Variants in CCNY observed in about 807,000 individuals in gnomAD.
CCNY encodes the protein cyclin Y, also known as cyclin-Y.
CCNY carries 19 observed loss-of-function variants against 42.8 expected under a neutral mutation model. That is an observed-to-expected ratio of 0.44 (90% CI 0.31 to 0.65). CCNY has a LOEUF of 0.65. Ranked by LOEUF, CCNY falls within the 30% of genes least tolerant of loss-of-function variation. The pLI is 0.07. For synonymous variants in CCNY, 165 were observed against 162.7 expected (o/e 1.01, Z -0.11); for missense variants, 370 against 437.3 (o/e 0.85, Z 1.37).
chr10:35,547,026 G>GTTT (rs1841129513), intron 7 of CCNY, among the ~76,000 whole-genome samples: 1 of 152,066 alleles, frequency 6.6e-6, no homozygotes, highest in Non-Finnish European at 1.5e-5. Context: ...CCCAGTCCCT[G>GTTT]TTTTCTGCTC....
chr10:35,492,278 A>G (rs1839914856), intron 2 of CCNY, among the ~76,000 whole-genome samples: 1 of 152,166 alleles, frequency 6.6e-6, no homozygotes, highest in African/African-American at 2.4e-5. Flanking sequence ...CTGAGAGGCC[A>G]TCATCTGTGG....
intron 1 of CCNY, among the ~76,000 whole-genome samples, chr10:35,360,753 A>T (rs573565800): frequency 6.6e-6 from 1 of 152,066 alleles, no homozygotes; most frequent in African/African-American, 2.4e-5. Flanking sequence ...TCATCTGTAT[A>T]TGATTATATA....
intron 1 of CCNY, among the ~76,000 whole-genome samples, chr10:35,407,708 GAGA>G (rs1324588923): frequency 1.3e-5 from 2 of 152,092 alleles, no homozygotes; most frequent in Non-Finnish European, 2.9e-5. Context: ...CAGGCTAAGG[GAGA>G]AGAAGGAGGA....
chr10:35,450,546 C>T (rs1003216114), intron 1 of CCNY, among the ~76,000 whole-genome samples: 7 of 151,930 alleles, frequency 4.6e-5, no homozygotes, highest in South Asian at 2.1e-4. Flanking sequence ...GGGGATAAAG[C>T]GTTTCTTCTG....
chr10:35,505,726 T>C (rs1392412104), intron 3 of CCNY, among the ~76,000 whole-genome samples: 1 of 152,218 alleles, frequency 6.6e-6, no homozygotes, highest in Non-Finnish European at 1.5e-5. Flanking sequence ...TTATTGTCCA[T>C]TGGAATTTAG....
chr10:35,361,515 G>A (rs1452766483), intron 1 of CCNY, among the ~76,000 whole-genome samples: 1 of 152,002 alleles, frequency 6.6e-6, no homozygotes, highest in African/African-American at 2.4e-5. Flanking sequence ...TTGCCTGTGG[G>A]GGGCATTTCC....
chr10:35,514,407 C>T (rs1840387699), intron 3 of CCNY, among the ~76,000 whole-genome samples: 1 of 152,188 alleles, frequency 6.6e-6, no homozygotes, highest in African/African-American at 2.4e-5. Flanking sequence ...GGTGCTCAGA[C>T]CCGCAGGTGG....
chr10:35,520,020 C>T (rs1840516466), intron 4 of CCNY, among the ~76,000 whole-genome samples: 1 of 152,124 alleles, frequency 6.6e-6, no homozygotes, highest in African/African-American at 2.4e-5. Context: ...CCACCTTGGC[C>T]TCCCAAAGTG....
chr10:35,330,794 CGTGCAGGCTGGA>C (rs1164051182), intron 3 of CCNY, among the ~76,000 whole-genome samples: 6 of 149,812 alleles, frequency 4.0e-5, no homozygotes, highest in Admixed American at 2.0e-4. Context: ...TCGCTCCTGT[CGTGCAGGCTGGA>C]GTGCAGTGGC....
intron 3 of CCNY, among the ~76,000 whole-genome samples, chr10:35,324,365 A>C (rs748154001): frequency 1.2e-4 from 19 of 152,246 alleles, no homozygotes; most frequent in Non-Finnish European, 2.6e-4. Flanking sequence ...GGCATGAATG[A>C]GCAATGCTAA....
intron 9 of CCNY, among the ~76,000 whole-genome samples, chr10:35,568,652 C>T (rs562936678): frequency 2.0e-5 from 3 of 152,248 alleles, no homozygotes; most frequent in Non-Finnish European, 2.9e-5. Context: ...GCTCCAAGCC[C>T]GTGCTTCATG....
chr10:35,366,168 T>C (rs942834389), intron 1 of CCNY, among the ~76,000 whole-genome samples: 3 of 152,256 alleles, frequency 2.0e-5, no homozygotes, highest in African/African-American at 7.2e-5. Flanking sequence ...AATGAGGTGA[T>C]TGGCTTTCTA....
chr10:35,399,186 A>G (rs780430579), intron 1 of CCNY, among the ~76,000 whole-genome samples: 1 of 152,164 alleles, frequency 6.6e-6, no homozygotes, highest in Non-Finnish European at 1.5e-5. Context: ...ACGGTAAGAC[A>G]ACTAAGGGCA....
In CCNY at chr10:35,307,780, G is replaced by A. The variant is rs1351816095; in HGVS notation, c.-9+57154G>A. On this transcript the variant is annotated intron_variant, in intron 3 of 11. Coordinates refer to the CCNY transcript ENST00000374706. Reference sequence around the variant, plus strand: ...TATATATGTGTGTGTGTGTGTGTGTGTGTGTGTGTGTGTGTGTGTGTATAT... The same window carrying A: ...TATATATGTGTGTGTGTGTGTGTGTATGTGTGTGTGTGTGTGTGTGTATAT... Among the ~76,000 whole-genome samples, 561 of 83,640 alleles carry A rather than the reference G, an allele frequency of 6.7e-3. 16 individuals carry two copies. The highest frequency in any genetic ancestry group is 0.028 in the African/African-American group (527 of 19,106). 54.9% of individuals were successfully genotyped at this position (83,640 alleles called of 152,430 possible). A position where few individuals can be genotyped will look rare whatever the true frequency, so the allele number is the denominator to read the frequency against.
In CCNY at chr10:35,395,395, C is replaced by G. The variant is rs188243161; in HGVS notation, c.154+58188C>G. On this transcript the variant is annotated intron_variant, in intron 1 of 9. Transcript: ENST00000374704. Reference sequence around the variant, plus strand: ...AGTGCAGCATGGGCCACTGGGAATTCAGAACCAAGGAGCAGTGCGAAGGTC... The same window carrying G: ...AGTGCAGCATGGGCCACTGGGAATTGAGAACCAAGGAGCAGTGCGAAGGTC... Among the ~76,000 whole-genome samples the G allele has an allele frequency of 3.9e-5, 6 of 152,246 alleles. No individual in the cohort carries two copies. In the East Asian group the frequency reaches 1.2e-3, roughly 29 times the overall value.
At chr10:35,438,430 A>T (rs1366955747) in intron 1 of CCNY, among the ~76,000 whole-genome samples, 1 of 152,132 alleles carries the variant, frequency 6.6e-6, no homozygotes, top group Non-Finnish European at 1.5e-5. Flanking sequence ...TGCCCAGGTT[A>T]CAGTCATGAG....
intron 7 of CCNY, among the ~76,000 whole-genome samples, chr10:35,532,855 A>G (rs1238311344): frequency 1.3e-5 from 2 of 152,218 alleles, no homozygotes; most frequent in Non-Finnish European, 2.9e-5. Flanking sequence ...TGAAAAGCTC[A>G]TTGCCTGTCT....
intron 1 of CCNY, among the ~76,000 whole-genome samples, chr10:35,423,406 G>T (rs1305348685): frequency 1.3e-5 from 2 of 151,362 alleles, no homozygotes; most frequent in East Asian, 3.9e-4. Context: ...GCCCAGGGAG[G>T]TTGAGGCTAC....
chr10:35,313,937 C>A, intron 3 of CCNY, among the ~76,000 whole-genome samples: 1 of 138,556 alleles, frequency 7.2e-6, no homozygotes. Flanking sequence ...GATTGCACCA[C>A]TGCACTCTAG....
Sources: allele counts gnomAD v4.1 joint callset (sites outside exome capture counted in the v4.1 genomes callset), GRCh38; gene constraint gnomAD v4.1.1; transcripts MANE v1.5; gene names NCBI Gene and HGNC (gene_info 2026-07-23, HGNC 2026-07-21).